Variants in VPS13B observed in about 807,000 individuals in gnomAD.
VPS13B encodes the protein intermembrane lipid transfer protein VPS13B.
In VPS13B, 285 loss-of-function variants were observed where a neutral mutation model predicts 426.4. The observed-to-expected ratio is 0.67, with a 90% CI of 0.61 to 0.74. The LOEUF (loss-of-function observed/expected upper bound fraction) is 0.74, where lower values mean the gene tolerates loss of function less well. Ranked by LOEUF, VPS13B falls within the 30% of genes least tolerant of loss-of-function variation. VPS13B has a pLI of 0.00. For missense variants in VPS13B, 4,537 were observed against 4,782.6 expected (o/e 0.95, Z 1.51); for synonymous variants, 1,676 against 1,676.4 (o/e 1.00, Z 0.01).
At chr8:99,214,905 C>A (rs541039763) in intron 17 of VPS13B, among the ~76,000 whole-genome samples, 1 of 152,126 alleles carries the variant, frequency 6.6e-6, no homozygotes, top group Admixed American at 6.5e-5. Context: ...CTCAAAAGAA[C>A]TATGCTTCTT....
intron 35 of VPS13B, among the ~76,000 whole-genome samples, chr8:99,679,760 C>G (rs1831082615): frequency 6.6e-6 from 1 of 152,152 alleles, no homozygotes; most frequent in Non-Finnish European, 1.5e-5. Flanking sequence ...GGACAGCTTT[C>G]CAGGTTTTCT....
At chr8:99,189,479 C>G (rs1813428018) in intron 16 of VPS13B, among the ~76,000 whole-genome samples, 1 of 152,062 alleles carries the variant, frequency 6.6e-6, no homozygotes, top group South Asian at 2.1e-4. Flanking sequence ...CATTCAGAAT[C>G]AGTATTGTTT....
At chr8:99,785,189 G>T (rs1812201935) in intron 43 of VPS13B, among the ~76,000 whole-genome samples, 1 of 152,166 alleles carries the variant, frequency 6.6e-6, no homozygotes, top group Non-Finnish European at 1.5e-5. Context: ...ATACAAAGAT[G>T]TAGTCTTAAG....
At chr8:99,856,820 A>G (rs1310963349) in intron 56 of VPS13B, among the ~76,000 whole-genome samples, 5 of 152,220 alleles carry the variant, frequency 3.3e-5, no homozygotes, top group Non-Finnish European at 7.3e-5. Flanking sequence ...CAACCTGGAC[A>G]ACAGAGCGAG....
At chr8:99,737,109 T>C (rs1215597812) in intron 39 of VPS13B, among the ~76,000 whole-genome samples, 1 of 93,328 alleles carries the variant, frequency 1.1e-5, no homozygotes, top group African/African-American at 5.6e-5. Flanking sequence ...TGTCCTTCTT[T>C]TTTTTTTTTT....
chr8:99,579,707 T>C (rs761626674), intron 33 of VPS13B, among the ~76,000 whole-genome samples: 9 of 150,942 alleles, frequency 6.0e-5, no homozygotes, highest in Non-Finnish European at 1.3e-4. Flanking sequence ...CTTTCTTTCT[T>C]TCTTTCTTTT....
chr8:99,166,104 T>G (rs1026228174), intron 15 of VPS13B, among the ~76,000 whole-genome samples: 1 of 152,134 alleles, frequency 6.6e-6, no homozygotes, highest in African/African-American at 2.4e-5. Flanking sequence ...CTCAGCCTCC[T>G]GAGTAGCTGG....
chr8:99,534,079 G>C (rs1230144795), intron 30 of VPS13B, among the ~76,000 whole-genome samples: 1 of 152,220 alleles, frequency 6.6e-6, no homozygotes, highest in African/African-American at 2.4e-5. Flanking sequence ...GTCAGAGAGA[G>C]AGAGAGATTG....
At chr8:99,099,971 C>G (rs182694367) in intron 4 of VPS13B, among the ~76,000 whole-genome samples, 160 of 152,182 alleles carry the variant, frequency 1.1e-3, no homozygotes, top group African/African-American at 3.7e-3. Context: ...TTTTCAGATG[C>G]GTGTGGAGTA....
In VPS13B at chr8:99,064,221, C is replaced by T. The variant is rs541140159; in HGVS notation, c.291+25655C>T. 6.6e-5 allele frequency among the ~76,000 whole-genome samples: 10 copies of T among 152,244 alleles called. No individual in the cohort carries two copies. In the East Asian group the frequency reaches 1.2e-3, roughly 18 times the overall value. ...TCTCCCCCAAAGGATCGTAGCTCCT[C>T]GCCAGCAACAGAACAAAGCTGGATG... On this transcript the variant is annotated intron_variant, in intron 3 of 61. Transcript: ENST00000357162.
At chr8:99,627,034 C>G (rs572749819) in intron 33 of VPS13B, among the ~76,000 whole-genome samples, 1 of 152,188 alleles carries the variant, frequency 6.6e-6, no homozygotes, top group South Asian at 2.1e-4. Flanking sequence ...AAATACTGCT[C>G]GATCTCACAT....
chr8:99,522,402 C>T lies in VPS13B; in HGVS notation c.4745+1392C>T, dbSNP rs539428796. 2.4e-4 allele frequency among the ~76,000 whole-genome samples: 37 copies of T among 152,144 alleles called. 1 individual carries two copies. The highest frequency in any genetic ancestry group is 7.7e-4 in the African/African-American group (32 of 41,516). On this transcript the variant is annotated intron_variant, in intron 30 of 61. Transcript: ENST00000357162. Reference sequence around the variant, plus strand: ...AATTCCTTTCCTTCTGTACCCTTTCCGCTTTCTGGCTTTTGCATGAGTTGT... The same window carrying T: ...AATTCCTTTCCTTCTGTACCCTTTCTGCTTTCTGGCTTTTGCATGAGTTGT...
intron 34 of VPS13B, among the ~76,000 whole-genome samples, chr8:99,651,503 G>A (rs1409476362): frequency 1.3e-5 from 2 of 152,028 alleles, no homozygotes; most frequent in Non-Finnish European, 2.9e-5. Context: ...GACTAATGTG[G>A]CAATAGGCTT....
chr8:99,397,638 C>G (rs557394678), intron 21 of VPS13B, among the ~76,000 whole-genome samples: 2 of 152,290 alleles, frequency 1.3e-5, no homozygotes, highest in African/African-American at 4.8e-5. Flanking sequence ...CACCCTAAAG[C>G]TATTATGATC....
intron 17 of VPS13B, among the ~76,000 whole-genome samples, chr8:99,237,040 G>T (rs1816689703): frequency 6.6e-6 from 1 of 152,146 alleles, no homozygotes; most frequent in Non-Finnish European, 1.5e-5. Flanking sequence ...AAAAAGAGAT[G>T]TTCCCCTTCA....
chr8:99,785,230 G>A (rs79374730), intron 43 of VPS13B, among the ~76,000 whole-genome samples: 227 of 152,238 alleles, frequency 1.5e-3, no homozygotes, highest in African/African-American at 5.1e-3. Context: ...AAGTACTCTC[G>A]AGAATAATGT....
At chr8:99,421,300 A>G (rs1331893656) in intron 21 of VPS13B, among the ~76,000 whole-genome samples, 1 of 152,250 alleles carries the variant, frequency 6.6e-6, no homozygotes. Flanking sequence ...CTAAAAGTGT[A>G]ATAGATACAT....
chr8:99,826,300 G>A (rs1814678453), intron 51 of VPS13B, among the ~76,000 whole-genome samples: 1 of 152,104 alleles, frequency 6.6e-6, no homozygotes, highest in South Asian at 2.1e-4. Context: ...CTTGTAAGTT[G>A]GATTCCTAGG....
chr8:99,117,632 A>T (rs1847732485), intron 7 of VPS13B, among the ~76,000 whole-genome samples: 1 of 152,202 alleles, frequency 6.6e-6, no homozygotes. Context: ...TGAAATACTG[A>T]TATAGGCTAC....
Sources: allele counts gnomAD v4.1 joint callset (sites outside exome capture counted in the v4.1 genomes callset), GRCh38; gene constraint gnomAD v4.1.1; transcripts MANE v1.5; gene names NCBI Gene and HGNC (gene_info 2026-07-23, HGNC 2026-07-21).